NPAS3: variants seen among roughly 807,000 people sequenced by gnomAD.
NPAS3 encodes the protein neuronal PAS domain protein 3, also known as neuronal PAS domain-containing protein 3.
Under a neutral mutation model 73.1 loss-of-function variants are expected in NPAS3, and 14 were observed. That is an observed-to-expected ratio of 0.19 (90% confidence interval 0.13 to 0.30). The LOEUF (loss-of-function observed/expected upper bound fraction) is 0.30, where lower values mean the gene tolerates loss of function less well. NPAS3 is among the 10% of genes least tolerant of loss of function. NPAS3 has a pLI of 1.00. For synonymous variants in NPAS3, 620 were observed against 541.5 expected (o/e 1.14, Z -2.01); for missense variants, 1,096 against 1,250.0 (o/e 0.88, Z 1.86).
At chr14:33,682,455 A>C (rs1169976285) in intron 6 of NPAS3, among the ~76,000 whole-genome samples, 1 of 152,216 alleles carries the variant, frequency 6.6e-6, no homozygotes, top group Non-Finnish European at 1.5e-5. Flanking sequence ...ATCATTAAGA[A>C]CTTACCTTCT....
intron 4 of NPAS3, among the ~76,000 whole-genome samples, chr14:33,551,035 A>G (rs1441582280): frequency 6.6e-6 from 1 of 152,214 alleles, no homozygotes; most frequent in Non-Finnish European, 1.5e-5. Context: ...ATGATACATA[A>G]AATAAAGAGC....
At chr14:33,243,897 A>G (rs986510568) in intron 3 of NPAS3, among the ~76,000 whole-genome samples, 5 of 152,196 alleles carry the variant, frequency 3.3e-5, no homozygotes, top group Non-Finnish European at 1.5e-5. Flanking sequence ...AGTCTGAAAC[A>G]TCATTAATGT....
chr14:33,658,099 A>G (rs1466658574), intron 5 of NPAS3, among the ~76,000 whole-genome samples: 2 of 152,218 alleles, frequency 1.3e-5, no homozygotes, highest in Non-Finnish European at 2.9e-5. Flanking sequence ...CCACTCTTAT[A>G]ATAAGTAGAC....
At chr14:33,783,286 G>C (rs760909389) in intron 9 of NPAS3, among the ~76,000 whole-genome samples, 2 of 152,158 alleles carry the variant, frequency 1.3e-5, no homozygotes, top group Non-Finnish European at 2.9e-5. Flanking sequence ...TAGCACGGGG[G>C]ACTTTTTTCT....
At chr14:33,087,194 G>A (rs1455827179) in intron 2 of NPAS3, among the ~76,000 whole-genome samples, 6 of 112,058 alleles carry the variant, frequency 5.4e-5, no homozygotes, top group Non-Finnish European at 1.1e-4. Flanking sequence ...ATATAATATT[G>A]TATAATAATA....
Position 33,439,942 on chromosome 14 carries a change from C to T in NPAS3, c.468+72674C>T, listed in dbSNP as rs564796612. ...CATCCTGGCTAACAGGGTGAAACCC[C>T]GTCTCTACTAAAAATACAAAAAAAT... On this transcript the variant is annotated intron_variant, in intron 4 of 11. Transcript: ENST00000356141. 2.6e-5 allele frequency among the ~76,000 whole-genome samples: 4 copies of T among 152,024 alleles called. No individual in the cohort carries two copies. In the East Asian group the frequency reaches 5.8e-4, roughly 22 times the overall value.
chr14:33,354,252 C>T (rs2045225455), intron 3 of NPAS3, among the ~76,000 whole-genome samples: 1 of 152,148 alleles, frequency 6.6e-6, no homozygotes, highest in Non-Finnish European at 1.5e-5. Flanking sequence ...CTTTCTTTCC[C>T]TTCCAGATTT....
rs570432467 is a variant in NPAS3 at position 33,016,524 on chromosome 14, C to A, written c.51-39381C>A. 2.0e-5 allele frequency among the ~76,000 whole-genome samples: 3 copies of A among 148,948 alleles called. No homozygotes were observed. The East Asian group carries it at 6.1e-4, about 30-fold the overall frequency. ...ACCCAAAGAAAAAGAGAGTGGTTGT[C>A]TAAGCATCACACACCAGTTTTCAGA... On this transcript the variant is annotated intron_variant, in intron 1 of 11. Coordinates refer to ENST00000356141, the Ensembl canonical transcript of NPAS3.
At chr14:33,430,307 G>A (rs2048729944) in intron 4 of NPAS3, among the ~76,000 whole-genome samples, 1 of 151,858 alleles carries the variant, frequency 6.6e-6, no homozygotes, top group Non-Finnish European at 1.5e-5. Context: ...TTTTTCTCTA[G>A]GAAAGCAAAG....
At chr14:33,724,391 T>G (rs1345180789) in intron 6 of NPAS3, among the ~76,000 whole-genome samples, 1 of 152,178 alleles carries the variant, frequency 6.6e-6, no homozygotes, top group Admixed American at 6.5e-5. Context: ...CCTAGCACTT[T>G]GGGAGACCAA....
intron 2 of NPAS3, among the ~76,000 whole-genome samples, chr14:33,172,705 C>T (rs899627208): frequency 4.0e-5 from 6 of 151,568 alleles, no homozygotes; most frequent in African/African-American, 1.5e-4. Flanking sequence ...CACAGCACTC[C>T]AACTCCAACC....
At chr14:33,075,883 T>G (rs1357282262) in intron 2 of NPAS3, among the ~76,000 whole-genome samples, 2 of 152,208 alleles carry the variant, frequency 1.3e-5, no homozygotes, top group African/African-American at 4.8e-5. Flanking sequence ...GATTGGAGAT[T>G]GGATTATATT....
intron 7 of NPAS3, among the ~76,000 whole-genome samples, chr14:33,746,743 C>CTT (rs200491168): frequency 1.3e-5 from 2 of 151,424 alleles, no homozygotes; most frequent in Non-Finnish European, 2.9e-5. Flanking sequence ...ACATATATTT[C>CTT]TTTTTTTATT....
intron 3 of NPAS3, among the ~76,000 whole-genome samples, chr14:33,364,595 A>T (rs555069541): frequency 6.6e-6 from 1 of 152,180 alleles, no homozygotes; most frequent in Admixed American, 6.5e-5. Context: ...AGATACTTGT[A>T]TATTATGCTA....
intron 1 of NPAS3, among the ~76,000 whole-genome samples, chr14:32,946,707 G>A (rs1203528620): frequency 1.3e-5 from 2 of 152,178 alleles, no homozygotes; most frequent in Admixed American, 6.5e-5. Context: ...AAGATAATTC[G>A]CTTGTGTATT....
chr14:33,500,794 A>G lies in NPAS3; in HGVS notation c.469-59327A>G, dbSNP rs1300048195. On this transcript the variant is annotated intron_variant, in intron 4 of 11. Transcript: ENST00000356141. ...GTTTTTGGTAGAATATGATCTCCAA[A>G]CATGTTTTAAGTGCAATCCAAACTA... Among the ~76,000 whole-genome samples the G allele has an allele frequency of 3.3e-5, 5 of 151,900 alleles. No homozygotes were observed. The East Asian group carries it at 9.7e-4, about 30-fold the overall frequency.
intron 3 of NPAS3, among the ~76,000 whole-genome samples, chr14:33,274,692 T>C (rs928602050): frequency 6.6e-6 from 1 of 152,104 alleles, no homozygotes; most frequent in African/African-American, 2.4e-5. Flanking sequence ...ATGATATAGC[T>C]AAACACCCAT....
intron 4 of NPAS3, among the ~76,000 whole-genome samples, chr14:33,373,257 G>C (rs1160009541): frequency 6.6e-6 from 1 of 152,066 alleles, no homozygotes; most frequent in Non-Finnish European, 1.5e-5. Flanking sequence ...TTGCAATATT[G>C]TTTTTGCAAA....
chr14:33,503,113 A>G (rs1268614814), intron 4 of NPAS3, among the ~76,000 whole-genome samples: 4 of 152,018 alleles, frequency 2.6e-5, no homozygotes, highest in Non-Finnish European at 5.9e-5. Flanking sequence ...GAATATAACC[A>G]GGAATACACA....
Sources: allele counts gnomAD v4.1 joint callset (sites outside exome capture counted in the v4.1 genomes callset), GRCh38; gene constraint gnomAD v4.1.1; transcripts MANE v1.5; gene names NCBI Gene and HGNC (gene_info 2026-07-23, HGNC 2026-07-21).